CFAP47: variants seen among roughly 807,000 people sequenced by gnomAD.
The protein encoded by CFAP47 is cilia and flagella associated protein 47.
CFAP47 carries 29 observed loss-of-function variants against 148.1 expected under a neutral mutation model. The ratio of observed to expected loss-of-function variants is 0.20; its 90% CI spans 0.15 to 0.27. The LOEUF (loss-of-function observed/expected upper bound fraction) is 0.27, where lower values mean the gene tolerates loss of function less well. Among genes scored for constraint, CFAP47 ranks in the 10% least tolerant of loss-of-function variants. The pLI, the probability that CFAP47 is intolerant of heterozygous loss-of-function variation, is 1.00. For synonymous variants in CFAP47, 664 were observed against 577.3 expected (o/e 1.15, Z -2.15); for missense variants, 1,872 against 1,697.5 (o/e 1.10, Z -1.81).
At chrX:36,025,621 G>A (rs1937207591) in intron 22 of CFAP47, among the ~76,000 whole-genome samples, 1 of 111,327 alleles carries the variant, frequency 9.0e-6, no homozygotes, top group African/African-American at 3.3e-5. Flanking sequence ...AAGTAAGATG[G>A]TGTCTATAAA....
intron 29 of CFAP47, among the ~76,000 whole-genome samples, chrX:36,077,206 TTTTTTTTTTTTTTTTTTG>T (rs1937879715): frequency 1.2e-5 from 1 of 86,520 alleles, no homozygotes; most frequent in African/African-American, 4.3e-5. Flanking sequence ...TTTTTTTTTT[TTTTTTTTTTTTTTTTTTG>T]CTCAGGAGTC....
At chrX:35,920,914 A>G (rs1330458396) in intron 1 of CFAP47, among the ~76,000 whole-genome samples, 1 of 112,212 alleles carries the variant, frequency 8.9e-6, no homozygotes, top group Non-Finnish European at 1.9e-5. Flanking sequence ...TTCTTTGTAT[A>G]TATGTAGAAA....
intron 61 of CFAP47, among the ~76,000 whole-genome samples, chrX:36,366,069 C>A (rs782250056): frequency 3.6e-5 from 4 of 111,342 alleles, no homozygotes; most frequent in African/African-American, 1.3e-4. Context: ...TGCCACACTG[C>A]TTTACACAAA....
At position 35,970,877 on chromosome X, in the gene CFAP47, C is replaced by T. The variant is rs774189622; in HGVS notation, c.1924C>T (p.Leu642Phe). Reference sequence around the variant, plus strand: ...ACATGAAAACTATTATGCAATGTATCTTAAATATTTAAGAAGTGTGCGCTT... The same window carrying T: ...ACATGAAAACTATTATGCAATGTATTTTAAATATTTAAGAAGTGTGCGCTT... ...KLHENYYAMYLKYLRSVRLQK... is the reference protein window; with the variant it reads ...KLHENYYAMYFKYLRSVRLQK... Residue 642 changes from leucine (L) to phenylalanine (F), a missense_variant, in exon 11 of 64, where the codon CTT becomes TTT. Transcript: ENST00000378653. 1 of 1,192,806 alleles carries T rather than the reference C, an allele frequency of 8.4e-7. No individual in the cohort carries two copies. Among genetic ancestry groups the T allele is most frequent in the Admixed American group, 2.3e-5 (1 of 42,824 alleles).
intron 39 of CFAP47, among the ~76,000 whole-genome samples, chrX:36,164,230 A>G (rs1057480906): frequency 1.8e-5 from 2 of 111,123 alleles, no homozygotes; most frequent in Non-Finnish European, 1.9e-5. Context: ...TTTCTTGTAG[A>G]TTTTCTGCCT....
rs144980628 is a variant in CFAP47 at position 36,069,613 on chromosome X, G to A, written c.4319-2212G>A. ...ATTTAATGCTTACCAGGTATATGGT[G>A]CTCTGCTCAGTGCCTTATATTTGTC... On this transcript the variant is annotated intron_variant, in intron 27 of 63. Coordinates refer to ENST00000378653, the MANE Select transcript of CFAP47 (RefSeq NM_001304548.2). 4.4e-3 allele frequency among the ~76,000 whole-genome samples: 490 copies of A among 111,091 alleles called. 2 individuals carry two copies. The highest frequency in any genetic ancestry group is 0.015 in the African/African-American group (464 of 30,615).
chrX:35,941,540 G>C, intron 3 of CFAP47, 142 bp downstream of exon 3: 2 of 341,349 alleles, frequency 5.9e-6, no homozygotes, highest in Non-Finnish European at 1.0e-5. Flanking sequence ...GTCCTTAATA[G>C]TATTACTGTA....
At chrX:36,122,220 A>G (rs1250104113) in intron 33 of CFAP47, among the ~76,000 whole-genome samples, 5 of 111,394 alleles carry the variant, frequency 4.5e-5, no homozygotes, top group African/African-American at 1.6e-4. Flanking sequence ...TACTGCTTTT[A>G]GGATTCTGTC....
chrX:36,032,192 A>C (rs2146719881), intron 23 of CFAP47, among the ~76,000 whole-genome samples: 1 of 110,974 alleles, frequency 9.0e-6, no homozygotes, highest in South Asian at 3.7e-4. Flanking sequence ...TACCTTCATA[A>C]ATGTGAGATT....
At position 36,159,520 on chromosome X, in the gene CFAP47, A is replaced by C. The variant is rs1939405525; in HGVS notation, c.5881A>C (p.Arg1961=). The change falls in exon 38 of 64, where the codon AGA becomes CGA. Residue 1961 remains arginine, a synonymous_variant. Coordinates refer to ENST00000378653, the MANE Select transcript of CFAP47 (RefSeq NM_001304548.2). ...LLISKPKNAV[R]GITMTFALKG... is the part of the protein sequence containing the mutation. ...AATTTCAAAACCCAAGAATGCAGTA[A>C]GAGGAATTACAATGACTTTTGCTCT... The C allele has an allele frequency of 1.0e-5, 3 of 296,626 alleles. No homozygotes were observed. Among genetic ancestry groups the C allele is most frequent in the Non-Finnish European group, 1.8e-5 (3 of 170,173 alleles). The allele number at this position is 296,626 out of a possible 1,213,427, so 24.4% of individuals were successfully genotyped here.
At chrX:36,009,550 G>T (rs1021882550) in intron 21 of CFAP47, among the ~76,000 whole-genome samples, 1 of 112,151 alleles carries the variant, frequency 8.9e-6, no homozygotes, top group African/African-American at 3.2e-5. Context: ...TGCAGAAATA[G>T]ATTATCATGG....
intron 13 of CFAP47, among the ~76,000 whole-genome samples, chrX:35,972,529 C>A (rs563514783): frequency 9.0e-6 from 1 of 111,441 alleles, no homozygotes; most frequent in Non-Finnish European, 1.9e-5. Flanking sequence ...CACCGCACCC[C>A]GCCCAGTTAC....
At chrX:35,960,229 T>C (rs760194987) in intron 8 of CFAP47, among the ~76,000 whole-genome samples, 40 of 107,519 alleles carry the variant, frequency 3.7e-4, no homozygotes, top group African/African-American at 1.3e-3. Flanking sequence ...TGTGAGCCAC[T>C]GCGCCCGGCC....
intron 15 of CFAP47, 47 bp from the exon 16 acceptor site, chrX:35,989,272 A>G: frequency 1.0e-6 from 1 of 983,408 alleles, no homozygotes; most frequent in Non-Finnish European, 1.4e-6. Context: ...AAAGAAATAC[A>G]ATTAAAATGT....
intron 56 of CFAP47, among the ~76,000 whole-genome samples, chrX:36,318,050 T>C (rs189671196): frequency 2.7e-5 from 3 of 111,747 alleles, no homozygotes; most frequent in South Asian, 3.7e-4. Flanking sequence ...TTCTGATTCA[T>C]AGGGGCTAGG....
chrX:36,140,791 G>T (rs1939125019), intron 35 of CFAP47, among the ~76,000 whole-genome samples: 1 of 111,256 alleles, frequency 9.0e-6, no homozygotes, highest in African/African-American at 3.3e-5. Flanking sequence ...AAGTTGCTGG[G>T]GTAATGTTAT....
Position 36,039,050 on chromosome X carries a change from T to C in CFAP47, c.3878T>C (p.Ile1293Thr). Reference protein sequence around the residue: ...LLNYIPVCYKILHLTGEVKSP... With the variant: ...LLNYIPVCYKTLHLTGEVKSP... ...AATTATATTCCAGTTTGCTATAAAA[T>C]ATTACATCTTACTGGGGAAGTAAAA... The change falls in exon 25 of 64, where the codon ATA becomes ACA. Residue 1293 changes from isoleucine (I) to threonine (T), a missense_variant. Coordinates refer to ENST00000378653, the MANE Select transcript of CFAP47 (RefSeq NM_001304548.2). 1 of 1,128,370 alleles carries C rather than the reference T, an allele frequency of 8.9e-7. No individual in the cohort carries two copies. The highest frequency in any genetic ancestry group is 1.2e-6 in the Non-Finnish European group (1 of 840,361). 93.0% of individuals were successfully genotyped at this position (1,128,370 alleles called of 1,213,427 possible).
intron 26 of CFAP47, among the ~76,000 whole-genome samples, chrX:36,064,955 T>C (rs1251404419): frequency 2.7e-5 from 3 of 111,737 alleles, no homozygotes; most frequent in East Asian, 5.6e-4. Flanking sequence ...TGAATAACTT[T>C]TGCAGTATAT....
chrX:36,382,496 T>G (rs1274580257), intron 63 of CFAP47, among the ~76,000 whole-genome samples: 4 of 111,565 alleles, frequency 3.6e-5, no homozygotes, highest in African/African-American at 1.3e-4. Flanking sequence ...ATCTTACAAT[T>G]GAAAGTTGAA....
Sources: gnomAD v4.1 joint callset for allele counts (sites outside exome capture counted in the v4.1 genomes callset) on GRCh38, gnomAD v4.1.1 for gene constraint, MANE v1.5 for transcripts, NCBI Gene and HGNC (gene_info 2026-07-23, HGNC 2026-07-21) for gene names.